The following MAPK10 variants were observed in gnomAD, a reference collection of about 807,000 sequenced individuals.
MAPK10 encodes the protein JNK3 alpha protein kinase.
MAPK10 carries 25 observed loss-of-function variants against 59.3 expected under a neutral mutation model. The ratio of observed to expected loss-of-function variants is 0.42; its 90% CI spans 0.31 to 0.59. The LOEUF is 0.59. Ranked by LOEUF, MAPK10 falls within the 20% of genes least tolerant of loss-of-function variation. MAPK10 has a pLI of 0.15. For synonymous variants in MAPK10, 190 were observed against 200.5 expected, an observed-to-expected ratio of 0.95 and a Z score of 0.44; for missense variants, 351 against 568.9, an observed-to-expected ratio of 0.62 and a Z score of 3.90.
At chr4:86,237,384 C>A (rs185793492) in intron 2 of MAPK10, among the ~76,000 whole-genome samples, 1 of 152,126 alleles carries the variant, frequency 6.6e-6, no homozygotes, top group African/African-American at 2.4e-5. Context: ...AATGAGATTG[C>A]TGGGTCAAAT....
At chr4:86,163,443 T>C (rs1321693568) in intron 3 of MAPK10, among the ~76,000 whole-genome samples, 1 of 152,116 alleles carries the variant, frequency 6.6e-6, no homozygotes. Flanking sequence ...AAAAATATTA[T>C]CAGTGCTAAA....
intron 1 of MAPK10, among the ~76,000 whole-genome samples, chr4:86,570,903 T>C (rs1402533311): frequency 1.3e-5 from 2 of 152,122 alleles, no homozygotes; most frequent in Non-Finnish European, 1.5e-5. Context: ...GATAAGCAGA[T>C]GCCAGGGTGG....
At chr4:86,387,328 G>A (rs545195221) in intron 1 of MAPK10, among the ~76,000 whole-genome samples, 1 of 152,190 alleles carries the variant, frequency 6.6e-6, no homozygotes, top group Admixed American at 6.5e-5. Flanking sequence ...TTTTGCCAAT[G>A]ATTTTCTGCA....
At chr4:86,541,169 C>T (rs750750670) in intron 1 of MAPK10, among the ~76,000 whole-genome samples, 10 of 151,902 alleles carry the variant, frequency 6.6e-5, no homozygotes, top group Non-Finnish European at 1.2e-4. Context: ...GGGAACAATG[C>T]GACAGCTGGC....
chr4:86,103,335 C>T (rs1412712315), intron 5 of MAPK10, 91 bp from the exon 6 acceptor site: 17 of 712,138 alleles, frequency 2.4e-5, no homozygotes, highest in Non-Finnish European at 3.9e-5. Flanking sequence ...CTCAAAGTCA[C>T]TCACTAGTGC....
intron 1 of MAPK10, among the ~76,000 whole-genome samples, chr4:86,557,591 A>T (rs115355543): frequency 0.047 from 7,124 of 152,182 alleles, 221 homozygotes; most frequent in African/African-American, 0.059. Context: ...GATAAATTTA[A>T]TAATATTTTG....
intron 1 of MAPK10, among the ~76,000 whole-genome samples, chr4:86,370,012 T>C (rs1738513153): frequency 6.6e-6 from 1 of 152,210 alleles, no homozygotes; most frequent in South Asian, 2.1e-4. Context: ...AGTCACTCAA[T>C]AGATATTGAA....
At chr4:86,209,068 T>C (rs557972678) in intron 2 of MAPK10, among the ~76,000 whole-genome samples, 1 of 152,134 alleles carries the variant, frequency 6.6e-6, no homozygotes, top group Non-Finnish European at 1.5e-5. Flanking sequence ...ATGGTTCCAC[T>C]TGTATGTATC....
At chr4:86,143,960 T>G (rs1479781974) in intron 4 of MAPK10, among the ~76,000 whole-genome samples, 2 of 152,202 alleles carry the variant, frequency 1.3e-5, no homozygotes, top group South Asian at 4.1e-4. Flanking sequence ...CCTAAGCTTA[T>G]TAGAGAATAA....
At chr4:86,224,082 C>CTTTATGATCTAAAATTCCTA (rs138103390) in intron 2 of MAPK10, among the ~76,000 whole-genome samples, 12,894 of 152,118 alleles carry the variant, frequency 0.085, 1,203 homozygotes, top group African/African-American at 0.23. Context: ...TCCGAAATAT[C>CTTTATGATCTAAAATTCCTA]AAATGTAGGA....
rs1424096611 is a variant in MAPK10 at position 86,013,793 on chromosome 4, G to C, written c.*3435C>G. 2 of 152,040 alleles carry C rather than the reference G, an allele frequency of 1.3e-5. No individual in the cohort carries two copies. The highest frequency in any genetic ancestry group is 6.5e-5 in the Admixed American group (1 of 15,268). The allele number at this position is 152,040 out of a possible 1,614,324, so 9.4% of individuals were successfully genotyped here. ...TCAATTAAATAGCTTACTCCAATTG[G>C]TGGGAACTGGCCAGGCTCTGGTCCA... On this transcript the variant is annotated 3_prime_UTR_variant, in exon 14 of 14. Coordinates refer to ENST00000641462, the MANE Select transcript of MAPK10 (RefSeq NM_138982.4).
intron 2 of MAPK10, among the ~76,000 whole-genome samples, chr4:86,206,043 T>C (rs2083798370): frequency 6.6e-6 from 1 of 152,028 alleles, no homozygotes; most frequent in South Asian, 2.1e-4. Context: ...TTTTTTTTAA[T>C]TTAATTTTAT....
rs138739679 is a variant in MAPK10 at position 86,342,385 on chromosome 4, G to A, written c.-7+12145C>T. 7.2e-5 allele frequency among the ~76,000 whole-genome samples: 11 copies of A among 152,234 alleles called. No individual in the cohort carries two copies. The South Asian group carries it at 1.0e-3, about 14-fold the overall frequency. On this transcript the variant is annotated intron_variant, in intron 2 of 13. Coordinates refer to ENST00000641462, the MANE Select transcript of MAPK10 (RefSeq NM_138982.4). The stretch of plus-strand genomic sequence containing the variant: ...CTGAGAACAAGTTTGCTGTGTAGGC[G>A]TTTCGTGGTAATCACTTTACTATTA...
At chr4:86,143,038 C>T (rs191646996) in intron 4 of MAPK10, among the ~76,000 whole-genome samples, 77 of 152,268 alleles carry the variant, frequency 5.1e-4, no homozygotes, top group African/African-American at 1.8e-3. Flanking sequence ...AATTGACTCG[C>T]AGTTCCACAT....
rs374717387 is a variant in MAPK10, at chr4:86,226,865, T to C, written c.-6-32458A>G. Among the ~76,000 whole-genome samples the C allele has an allele frequency of 9.2e-5, 14 of 152,332 alleles. No individual in the cohort carries two copies. In the East Asian group the frequency reaches 1.7e-3, roughly 19 times the overall value. On this transcript the variant is annotated intron_variant, in intron 2 of 13. Transcript: ENST00000641462. The stretch of plus-strand genomic sequence containing the variant: ...ATCTGACATAGCTGTCCCTGAGCAT[T>C]TGCCAATATCATTTCAAATGATTAT...
intron 1 of MAPK10, among the ~76,000 whole-genome samples, chr4:86,575,088 A>C (rs1761779402): frequency 6.6e-6 from 1 of 152,186 alleles, no homozygotes; most frequent in Non-Finnish European, 1.5e-5. Context: ...TGAATAGAAC[A>C]AAATGACAGA....
chr4:86,541,743 G>C (rs1758710291), intron 1 of MAPK10, among the ~76,000 whole-genome samples: 1 of 152,148 alleles, frequency 6.6e-6, no homozygotes, highest in Non-Finnish European at 1.5e-5. Flanking sequence ...AAGCAGCTCT[G>C]AGTTTCTGCT....
chr4:86,033,298 C>T (rs547687789), intron 11 of MAPK10, among the ~76,000 whole-genome samples: 22 of 152,310 alleles, frequency 1.4e-4, no homozygotes, highest in Admixed American at 7.8e-4. Flanking sequence ...GTGGTTAGGC[C>T]GCTATCCAAG....
intron 1 of MAPK10, among the ~76,000 whole-genome samples, chr4:86,416,197 C>T (rs1419422671): frequency 6.6e-6 from 1 of 152,176 alleles, no homozygotes; most frequent in Non-Finnish European, 1.5e-5. Flanking sequence ...CAAGTATTCA[C>T]ATGCACAAGG....
Sources: allele counts gnomAD v4.1 joint callset (sites outside exome capture counted in the v4.1 genomes callset), GRCh38; gene constraint gnomAD v4.1.1; transcripts MANE v1.5; gene names NCBI Gene and HGNC (gene_info 2026-07-23, HGNC 2026-07-21).